The following LGALS8 variants were observed in gnomAD, a reference collection of about 807,000 sequenced individuals.
LGALS8 encodes galectin 8.
LGALS8 carries 30 observed loss-of-function variants against 35.9 expected under a neutral mutation model. The ratio of observed to expected loss-of-function variants is 0.83; its 90% CI spans 0.62 to 1.13. The LOEUF is 1.13. Ranked by LOEUF, LGALS8 falls within the 50% of genes most tolerant of loss-of-function variation. The pLI, the probability that LGALS8 is intolerant of heterozygous loss-of-function variation, is 0.00. For missense variants in LGALS8, 366 were observed against 388.7 expected, an observed-to-expected ratio of 0.94 and a Z score of 0.49; for synonymous variants, 138 against 136.1, an observed-to-expected ratio of 1.01 and a Z score of -0.10.
In LGALS8 at chr1:236,526,730, C is replaced by T. The variant is rs7552576; in HGVS notation, c.45+615C>T. 0.045 allele frequency among the ~76,000 whole-genome samples: 6,873 copies of T among 152,116 alleles called. 532 individuals are homozygous for T. Among genetic ancestry groups the T allele is most frequent in the African/African-American group, 0.15 (6,423 of 41,450 alleles). On this transcript the variant is annotated intron_variant, in intron 2 of 9. Transcript: ENST00000366584. This position sits in a 1 kb window ranked among gnomAD's most constrained non-coding sequence, Gnocchi z 4.6. ...AATCTTTAGGAATGTCTAGTTTCCACGTATCTGAAGCTGAATCCTGAATCG... is the reference window on the plus strand; with the variant it reads ...AATCTTTAGGAATGTCTAGTTTCCATGTATCTGAAGCTGAATCCTGAATCG...
chr1:236,537,021 C>CTTTTTTTTTTTTTTTTTTTTTTTTTT (rs60024224), intron 2 of LGALS8, among the ~76,000 whole-genome samples: 1 of 137,850 alleles, frequency 7.3e-6, no homozygotes, highest in African/African-American at 2.9e-5. Flanking sequence ...TATGCAGTTC[C>CTTTTTTTTTTTTTTTTTTTTTTTTTT]TTTTTTTTTT....
rs370852798 is a variant in LGALS8, at chr1:236,543,605, C to A, written c.595C>A (p.Arg199=). 1 of 1,613,930 alleles carries A rather than the reference C, an allele frequency of 6.2e-7. No homozygotes were observed. The highest frequency in any genetic ancestry group is 1.3e-5 in the African/African-American group (1 of 74,896). ...GTTGAACACCCCCATGGGCCCTGGA[C>A]GAACTGTCGTCGTTAAAGGAGAAGT... ...ARLNTPMGPG[R]TVVVKGEVNA... is the part of the protein sequence containing the mutation. The change falls in exon 8 of 10, where the codon CGA becomes AGA. Residue 199 remains arginine (R), a synonymous_variant. Coordinates refer to ENST00000366584, the MANE Select transcript of LGALS8 (RefSeq NM_201544.4).
At chr1:236,533,190 CCTCT>C (rs553880496) in intron 2 of LGALS8, among the ~76,000 whole-genome samples, 31 of 152,170 alleles carry the variant, frequency 2.0e-4, no homozygotes, top group Admixed American at 7.9e-4. Context: ...TCTTTTCCTG[CCTCT>C]CTGCTTTTGT....
At chr1:236,537,233 T>G (rs2103087595) in intron 2 of LGALS8, among the ~76,000 whole-genome samples, 1 of 152,042 alleles carries the variant, frequency 6.6e-6, no homozygotes, top group African/African-American at 2.4e-5. Flanking sequence ...GCCAGGATGG[T>G]CTCGATCTGC....
chr1:236,519,459 A>G (rs1393964465), upstream of LGALS8, among the ~76,000 whole-genome samples: 1 of 152,178 alleles, frequency 6.6e-6, no homozygotes, highest in African/African-American at 2.4e-5. Flanking sequence ...TTCTTGGGCA[A>G]GGAAAGAGGA....
intron 2 of LGALS8, among the ~76,000 whole-genome samples, chr1:236,534,086 G>T (rs1661316688): frequency 6.6e-6 from 1 of 152,154 alleles, no homozygotes; most frequent in Non-Finnish European, 1.5e-5. Context: ...CTTGTCACTG[G>T]TTCTTACTTA....
rs1661777991 is a variant in LGALS8 at position 236,539,096 on chromosome 1, T to C, written c.345+7T>C. ...GCTGAAGGACAAATTCCAGGTAGGT[T>C]TTGGAGAGGGACAGGTTGAGTCCTC... On this transcript the variant is annotated splice_region_variant and intron_variant, in intron 4 of 9. Coordinates refer to ENST00000366584, the MANE Select transcript of LGALS8 (RefSeq NM_201544.4). The C allele has an allele frequency of 6.2e-7, 1 of 1,611,706 alleles. No homozygotes were observed. The highest frequency in any genetic ancestry group is 2.2e-5 in the East Asian group (1 of 44,880).
At chr1:236,547,672 C>T (rs1292002567) in intron 9 of LGALS8, among the ~76,000 whole-genome samples, 1 of 91,956 alleles carries the variant, frequency 1.1e-5, no homozygotes, top group African/African-American at 3.3e-5. Flanking sequence ...TCCCCAGCAT[C>T]GGCGAGGAGG....
intron 1 of LGALS8, among the ~76,000 whole-genome samples, chr1:236,525,146 G>A (rs1010791276): frequency 2.6e-5 from 4 of 152,072 alleles, no homozygotes; most frequent in Admixed American, 2.0e-4. Flanking sequence ...AGAGAAAACC[G>A]TATCTTAATA....
At position 236,550,274 on chromosome 1, in the gene LGALS8, A is replaced by G. The variant is rs1662665600; in HGVS notation, c.*2113A>G. ...GCCAGGTGTGAGCTGTTTTAGAAGC[A>G]GCGTGTTGCCTTCATCTCTCCCGTT... On this transcript the variant is annotated 3_prime_UTR_variant, in exon 10 of 10. Coordinates refer to ENST00000366584, the MANE Select transcript of LGALS8 (RefSeq NM_201544.4). 6.6e-6 allele frequency: 1 copy of G among 152,222 alleles called. No homozygotes were observed. Among genetic ancestry groups the G allele is most frequent in the African/African-American group, 2.4e-5 (1 of 41,438 alleles). The allele number at this position is 152,222 out of a possible 1,614,324, so 9.4% of individuals were successfully genotyped here. A position where few individuals can be genotyped will look rare whatever the true frequency, so the allele number is the denominator to read the frequency against.
chr1:236,551,766 A>G lies in LGALS8; in HGVS notation c.*3605A>G. ...GAAAAGATCGTGAAGATTACACTGT[A>G]AACGGACTCTCAAATGATCAGGAGG... On this transcript the variant is annotated 3_prime_UTR_variant, in exon 10 of 10. Transcript: ENST00000366584. The G allele has an allele frequency of 2.1e-6, 1 of 470,204 alleles. No individual in the cohort carries two copies. Among genetic ancestry groups the G allele is most frequent in the Non-Finnish European group, 3.8e-6 (1 of 263,282 alleles). The allele number at this position is 470,204 out of a possible 1,614,324, so 29.1% of individuals were successfully genotyped here.
At position 236,548,569 on chromosome 1, in the gene LGALS8, G is replaced by A. The variant is rs147164704; in HGVS notation, c.*408G>A. On this transcript the variant is annotated 3_prime_UTR_variant, in exon 10 of 10. Transcript: ENST00000366584. ...TATGTTCCCTGTTCTCTTGAGCTTC[G>A]ACTCTTCTGTGCGCTACTGCTGCGC... The A allele has an allele frequency of 1.2e-4, 32 of 259,964 alleles. No individual in the cohort carries two copies. Among genetic ancestry groups the A allele is most frequent in the East Asian group, 4.3e-4 (6 of 13,946 alleles). The allele number at this position is 259,964 out of a possible 1,614,324, so 16.1% of individuals were successfully genotyped here. A position where few individuals can be genotyped will look rare whatever the true frequency, so the allele number is the denominator to read the frequency against.
chr1:236,539,562 C>A (rs1461012481), intron 4 of LGALS8, among the ~76,000 whole-genome samples: 1 of 152,194 alleles, frequency 6.6e-6, no homozygotes, highest in Non-Finnish European at 1.5e-5. Context: ...AGTTCCATCT[C>A]TGGCTTCATG....
chr1:236,529,839 G>A (rs1160010795), intron 2 of LGALS8, among the ~76,000 whole-genome samples: 2 of 151,976 alleles, frequency 1.3e-5, no homozygotes, highest in Admixed American at 1.3e-4. Flanking sequence ...TTTTAGTAGA[G>A]ACGGGGTTTC....
Position 236,552,238 on chromosome 1 carries a change from G to T in LGALS8, c.*4077G>T. On this transcript the variant is annotated 3_prime_UTR_variant, in exon 10 of 10. Transcript: ENST00000366584. ...CACATGCGTTTATTCACTTCATTAT[G>T]TTCATTAAGCTTTCATCTTAGAATA... 1.7e-6 allele frequency: 1 copy of T among 574,616 alleles called. No homozygotes were observed. Among genetic ancestry groups the T allele is most frequent in the Non-Finnish European group, 3.1e-6 (1 of 327,064 alleles). 35.6% of individuals were successfully genotyped at this position (574,616 alleles called of 1,614,324 possible).
At chr1:236,527,472 A>G (rs1330448263) in intron 2 of LGALS8, among the ~76,000 whole-genome samples, 3 of 152,150 alleles carry the variant, frequency 2.0e-5, no homozygotes, top group African/African-American at 7.2e-5. Context: ...CAAGGGAGAT[A>G]TTTTTGGCAA....
chr1:236,544,196 G>A (rs1187439022), intron 8 of LGALS8, among the ~76,000 whole-genome samples: 1 of 152,114 alleles, frequency 6.6e-6, no homozygotes, highest in South Asian at 2.1e-4. Context: ...CAAGTGATCC[G>A]CCCACTTCGC....
rs1660807699 is a variant in LGALS8, at chr1:236,526,165, A to G, written c.45+50A>G. The G allele has an allele frequency of 3.1e-6, 4 of 1,292,012 alleles. No homozygotes were observed. In the South Asian group the frequency reaches 3.6e-5, roughly 12 times the overall value. The allele number at this position is 1,292,012 out of a possible 1,614,324, so 80.0% of individuals were successfully genotyped here. ...TTTTACCTATGCCAGGACAGATCCA[A>G]TAGAATATTAATTATCCATTGGGAG... On this transcript the variant is annotated intron_variant, in intron 2 of 9. Coordinates refer to ENST00000366584, the MANE Select transcript of LGALS8 (RefSeq NM_201544.4). This position sits in a 1 kb window ranked among gnomAD's most constrained non-coding sequence, Gnocchi z 4.6.
chr1:236,547,731 A>T (rs1662468124), intron 9 of LGALS8, among the ~76,000 whole-genome samples: 1 of 152,078 alleles, frequency 6.6e-6, no homozygotes, highest in Admixed American at 6.6e-5. Context: ...CGGCCGAGGG[A>T]GAGGGGCTGT....
Sources: gnomAD v4.1 joint callset for allele counts (sites outside exome capture counted in the v4.1 genomes callset) on GRCh38, gnomAD v4.1.1 for gene constraint, Gnocchi (gnomAD v3.1) non-coding constraint, MANE v1.5 for transcripts, NCBI Gene and HGNC (gene_info 2026-07-23, HGNC 2026-07-21) for gene names.